ASTN2: variants seen among roughly 807,000 people sequenced by gnomAD.
The protein encoded by ASTN2 is astrotactin 2.
In ASTN2, 54 loss-of-function variants were observed where a neutral mutation model predicts 139.8. The observed-to-expected ratio is 0.39, with a 90% CI of 0.31 to 0.48. ASTN2 has a LOEUF of 0.48. ASTN2 is among the 20% of genes least tolerant of loss of function. The pLI, the probability that ASTN2 is intolerant of heterozygous loss-of-function variation, is 0.95. For missense variants in ASTN2, 1,565 were observed against 1,725.1 expected (o/e 0.91, Z 1.64); for synonymous variants, 756 against 719.5 (o/e 1.05, Z -0.81).
At chr9:116,427,726 T>C (rs924596559) in intron 22 of ASTN2, among the ~76,000 whole-genome samples, 4 of 152,246 alleles carry the variant, frequency 2.6e-5, no homozygotes, top group Non-Finnish European at 4.4e-5. Context: ...TTTCAAAAAG[T>C]CCTCTTTGTA....
chr9:116,934,546 C>A (rs969479545), intron 10 of ASTN2, among the ~76,000 whole-genome samples: 2 of 104,862 alleles, frequency 1.9e-5, no homozygotes, highest in Non-Finnish European at 3.9e-5. Flanking sequence ...TTCTCACTTA[C>A]AAGTGGGAGC....
At chr9:116,720,194 T>A (rs1233207729) in intron 16 of ASTN2, among the ~76,000 whole-genome samples, 1 of 152,214 alleles carries the variant, frequency 6.6e-6, no homozygotes. Flanking sequence ...AGTCTGGGAA[T>A]GTTTCAGCTG....
chr9:116,440,698 C>T lies in ASTN2; in HGVS notation c.3693G>A (p.Ser1231=), dbSNP rs112786865. The change falls in exon 22 of 23, where the codon TCG becomes TCA. Residue 1231 remains serine (S), a synonymous_variant. Coordinates refer to ENST00000313400, the MANE Select transcript of ASTN2 (RefSeq NM_001365068.1). ...AYNTLMEVSA[S]MLFRVQHHYN... The stretch of plus-strand genomic sequence containing the variant: ...AGTGGTGCTGGACTCGGAACAGCAT[C>T]GAGGCTGAGACCTCCATCAGTGTGT... 8.4e-5 allele frequency: 136 copies of T among 1,614,134 alleles called. 2 individuals carry two copies. The highest frequency in any genetic ancestry group is 5.9e-4 in the African/African-American group (44 of 75,040).
intron 1 of ASTN2, among the ~76,000 whole-genome samples, chr9:117,297,443 C>T (rs1196419006): frequency 6.6e-6 from 1 of 152,146 alleles, no homozygotes; most frequent in Non-Finnish European, 1.5e-5. Context: ...CTCTAAAATG[C>T]TTAATTAATG....
At chr9:116,596,390 G>C (rs1291132586) in intron 19 of ASTN2, among the ~76,000 whole-genome samples, 1 of 152,138 alleles carries the variant, frequency 6.6e-6, no homozygotes, top group African/African-American at 2.4e-5. Flanking sequence ...ATATGGTATT[G>C]TGTGCTTTAA....
intron 7 of ASTN2, among the ~76,000 whole-genome samples, chr9:116,993,853 GATATATAT>G (rs61556942): frequency 1.1e-4 from 14 of 132,046 alleles, no homozygotes; most frequent in Non-Finnish European, 1.9e-4. Flanking sequence ...GTATGTACAT[GATATATAT>G]ATATATATAT....
intron 20 of ASTN2, among the ~76,000 whole-genome samples, chr9:116,471,606 G>A (rs1848816383): frequency 1.3e-5 from 2 of 152,186 alleles, no homozygotes; most frequent in South Asian, 2.1e-4. Context: ...AGTAAAGGGG[G>A]TGGAGGGAGG....
intron 1 of ASTN2, among the ~76,000 whole-genome samples, chr9:117,314,738 A>G (rs555085254): frequency 1.1e-3 from 156 of 145,692 alleles, no homozygotes; most frequent in African/African-American, 3.7e-3. Context: ...TATGTCATAT[A>G]GTAATGTAAT....
At chr9:116,704,256 A>G (rs1827931373) in intron 16 of ASTN2, among the ~76,000 whole-genome samples, 2 of 152,184 alleles carry the variant, frequency 1.3e-5, no homozygotes, top group South Asian at 2.1e-4. Flanking sequence ...TTGTTAACCA[A>G]TGGAATTGTT....
At chr9:117,370,206 G>A (rs933652388) in intron 1 of ASTN2, among the ~76,000 whole-genome samples, 12 of 152,126 alleles carry the variant, frequency 7.9e-5, no homozygotes, top group African/African-American at 2.9e-4. Context: ...AGGGAATTTG[G>A]TTCAGTGCTT....
chr9:116,536,340 CCTT>C (rs1851626399), intron 19 of ASTN2, among the ~76,000 whole-genome samples: 1 of 152,054 alleles, frequency 6.6e-6, no homozygotes, highest in Non-Finnish European at 1.5e-5. Flanking sequence ...TCTTCTGAAG[CCTT>C]CTTCTCTCAA....
At chr9:116,537,832 A>G (rs1851709511) in intron 19 of ASTN2, among the ~76,000 whole-genome samples, 1 of 152,214 alleles carries the variant, frequency 6.6e-6, no homozygotes, top group Admixed American at 6.5e-5. Flanking sequence ...CAAACCAGAG[A>G]GTAAGATCTG....
At chr9:116,910,771 A>G (rs1834288964) in intron 10 of ASTN2, among the ~76,000 whole-genome samples, 1 of 152,222 alleles carries the variant, frequency 6.6e-6, no homozygotes, top group South Asian at 2.1e-4. Context: ...TCTCAGTGCA[A>G]TAAAAAGCAA....
At chr9:116,535,939 C>A (rs912097552) in intron 19 of ASTN2, among the ~76,000 whole-genome samples, 2 of 152,158 alleles carry the variant, frequency 1.3e-5, no homozygotes, top group African/African-American at 4.8e-5. Context: ...TGGATAACAT[C>A]CTGCAGAGTG....
chr9:117,140,351 G>A (rs1830044382), intron 4 of ASTN2, among the ~76,000 whole-genome samples: 1 of 152,084 alleles, frequency 6.6e-6, no homozygotes, highest in South Asian at 2.1e-4. Flanking sequence ...GGAAAAGGGG[G>A]ATGACCTGAT....
At chr9:116,484,983 C>T (rs1284249439) in intron 20 of ASTN2, among the ~76,000 whole-genome samples, 2 of 152,202 alleles carry the variant, frequency 1.3e-5, no homozygotes, top group East Asian at 3.9e-4. Flanking sequence ...CAGCGTCACC[C>T]AGAGACAGGG....
chr9:117,118,862 C>T (rs1447342588), intron 4 of ASTN2, among the ~76,000 whole-genome samples: 1 of 152,172 alleles, frequency 6.6e-6, no homozygotes, highest in Admixed American at 6.5e-5. Context: ...GTCACCTCCT[C>T]AAGAAGCCTT....
chr9:117,233,993 C>T (rs118118773), intron 2 of ASTN2, among the ~76,000 whole-genome samples: 3,853 of 152,274 alleles, frequency 0.025, 77 homozygotes, highest in South Asian at 0.07. Context: ...TGGAGTTTCT[C>T]ATAAGATTCT....
At chr9:116,897,697 C>A (rs754204770) in intron 10 of ASTN2, among the ~76,000 whole-genome samples, 4 of 150,666 alleles carry the variant, frequency 2.7e-5, no homozygotes, top group Admixed American at 6.6e-5. Context: ...GAACAGAGTT[C>A]AAAAAATATT....
Sources: gnomAD v4.1 joint callset for allele counts (sites outside exome capture counted in the v4.1 genomes callset) on GRCh38, gnomAD v4.1.1 for gene constraint, MANE v1.5 for transcripts, NCBI Gene and HGNC (gene_info 2026-07-23, HGNC 2026-07-21) for gene names.